PTPRM: variants seen among roughly 807,000 people sequenced by gnomAD.
PTPRM encodes the protein receptor-type tyrosine-protein phosphatase mu.
PTPRM carries 47 observed loss-of-function variants against 186.7 expected under a neutral mutation model. That is an observed-to-expected ratio of 0.25 (90% CI 0.20 to 0.32). The LOEUF (loss-of-function observed/expected upper bound fraction) is 0.32. Ranked by LOEUF, PTPRM falls within the 10% of genes least tolerant of loss-of-function variation. PTPRM has a pLI of 1.00. For synonymous variants in PTPRM, 668 were observed against 674.9 expected (o/e 0.99, Z 0.16); for missense variants, 1,494 against 1,865.0 (o/e 0.80, Z 3.66).
intron 1 of PTPRM, among the ~76,000 whole-genome samples, chr18:7,725,104 T>G (rs542979992): frequency 6.6e-6 from 1 of 152,314 alleles, no homozygotes; most frequent in South Asian, 2.1e-4. Context: ...TCACCACATC[T>G]AAATGATGGA....
At chr18:8,220,128 A>AGAATTGCAAATTTTAATG (rs1432059793) in intron 14 of PTPRM, among the ~76,000 whole-genome samples, 1 of 152,210 alleles carries the variant, frequency 6.6e-6, no homozygotes, top group Admixed American at 6.5e-5. Context: ...ATCATTATAA[A>AGAATTGCAAATTTTAATG]GAATTGCAAA....
chr18:8,362,976 T>G (rs2095605798), intron 23 of PTPRM, among the ~76,000 whole-genome samples: 1 of 152,230 alleles, frequency 6.6e-6, no homozygotes, highest in African/African-American at 2.4e-5. Context: ...GAGTTGAGTT[T>G]GTTGTTTACA....
At chr18:8,045,018 A>G (rs1239644344) in intron 7 of PTPRM, among the ~76,000 whole-genome samples, 1 of 152,128 alleles carries the variant, frequency 6.6e-6, no homozygotes, top group Non-Finnish European at 1.5e-5. Flanking sequence ...ACCCAAGAAT[A>G]TACCTAGCAC....
At chr18:8,290,134 A>T (rs765635540) in intron 19 of PTPRM, among the ~76,000 whole-genome samples, 6 of 152,222 alleles carry the variant, frequency 3.9e-5, no homozygotes, top group Non-Finnish European at 7.3e-5. Flanking sequence ...CGATGCTTCG[A>T]AGCACCAGAA....
At chr18:8,238,893 G>A (rs1171171781) in intron 14 of PTPRM, among the ~76,000 whole-genome samples, 1 of 151,312 alleles carries the variant, frequency 6.6e-6, no homozygotes, top group Non-Finnish European at 1.5e-5. Flanking sequence ...GATGGCTAAC[G>A]TGGGATGGAG....
At chr18:7,670,247 C>T (rs529090491) in intron 1 of PTPRM, among the ~76,000 whole-genome samples, 3 of 152,158 alleles carry the variant, frequency 2.0e-5, no homozygotes, top group African/African-American at 4.8e-5. Flanking sequence ...GGACTAGCCA[C>T]GTTTCAAGTA....
At chr18:7,670,732 G>A (rs2039200036) in intron 1 of PTPRM, among the ~76,000 whole-genome samples, 1 of 152,162 alleles carries the variant, frequency 6.6e-6, no homozygotes, top group African/African-American at 2.4e-5. Flanking sequence ...AACTGGGCTG[G>A]AACTTATATA....
At chr18:8,024,123 T>C (rs1002292757) in intron 7 of PTPRM, among the ~76,000 whole-genome samples, 1 of 152,232 alleles carries the variant, frequency 6.6e-6, no homozygotes, top group Admixed American at 6.5e-5. Context: ...CTGTGTATTA[T>C]GAGGACAGAA....
At chr18:8,387,581 T>C (rs2095784854) in intron 31 of PTPRM, among the ~76,000 whole-genome samples, 1 of 151,076 alleles carries the variant, frequency 6.6e-6, no homozygotes, top group South Asian at 2.1e-4. Flanking sequence ...CTTCAACTGT[T>C]GGTAACTTGA....
intron 14 of PTPRM, among the ~76,000 whole-genome samples, chr18:8,188,926 G>A (rs1601103721): frequency 6.7e-6 from 1 of 149,992 alleles, no homozygotes; most frequent in East Asian, 1.9e-4. Flanking sequence ...TAAGATAACA[G>A]TGGCCACATT....
intron 1 of PTPRM, among the ~76,000 whole-genome samples, chr18:7,720,365 A>G (rs1403393551): frequency 6.6e-6 from 1 of 152,150 alleles, no homozygotes; most frequent in Non-Finnish European, 1.5e-5. Flanking sequence ...ATTGGTCATC[A>G]GAGAAAAAAA....
At chr18:8,389,008 T>A (rs906580012) in intron 31 of PTPRM, among the ~76,000 whole-genome samples, 2 of 152,034 alleles carry the variant, frequency 1.3e-5, no homozygotes, top group Non-Finnish European at 2.9e-5. Flanking sequence ...CAAAAAGAAT[T>A]CATTAGCAGT....
chr18:8,157,367 A>C (rs1053894908), intron 14 of PTPRM, among the ~76,000 whole-genome samples: 1 of 152,182 alleles, frequency 6.6e-6, no homozygotes, highest in Non-Finnish European at 1.5e-5. Context: ...GCGTGCCTCG[A>C]AGTCTTTGTG....
intron 7 of PTPRM, among the ~76,000 whole-genome samples, chr18:7,961,227 A>C (rs1221161575): frequency 6.6e-6 from 1 of 152,174 alleles, no homozygotes; most frequent in East Asian, 1.9e-4. Context: ...TTCATTGAGA[A>C]TCTTTACATC....
chr18:8,105,993 A>G (rs974532828), intron 11 of PTPRM, among the ~76,000 whole-genome samples: 1 of 152,188 alleles, frequency 6.6e-6, no homozygotes, highest in Non-Finnish European at 1.5e-5. Flanking sequence ...GACGAAGACC[A>G]TGCATGCCTT....
chr18:7,781,884 T>A (rs2042873127), intron 2 of PTPRM, among the ~76,000 whole-genome samples: 1 of 152,144 alleles, frequency 6.6e-6, no homozygotes, highest in African/African-American at 2.4e-5. Context: ...TCCTTGAATA[T>A]CTCATTCAGT....
chr18:8,319,355 C>T, intron 22 of PTPRM, 141 bp downstream of exon 22: 1 of 578,958 alleles, frequency 1.7e-6, no homozygotes, highest in Middle Eastern at 4.6e-4. Flanking sequence ...CTTGCCTTCC[C>T]ATCAGACATT....
At chr18:7,831,034 T>C (rs893050936) in intron 2 of PTPRM, among the ~76,000 whole-genome samples, 1 of 152,198 alleles carries the variant, frequency 6.6e-6, no homozygotes, top group African/African-American at 2.4e-5. Context: ...TATTTTGTGA[T>C]GTTCCAGAAT....
intron 19 of PTPRM, among the ~76,000 whole-genome samples, chr18:8,255,954 G>A (rs1014484981): frequency 6.6e-6 from 1 of 152,194 alleles, no homozygotes; most frequent in Non-Finnish European, 1.5e-5. Flanking sequence ...AGGCTTCTGG[G>A]AACTGGTGGT....
Sources: gnomAD v4.1 joint callset for allele counts (sites outside exome capture counted in the v4.1 genomes callset) on GRCh38, gnomAD v4.1.1 for gene constraint, MANE v1.5 for transcripts, NCBI Gene and HGNC (gene_info 2026-07-23, HGNC 2026-07-21) for gene names.